The following KHDRBS2 variants were observed in gnomAD, a reference collection of about 807,000 sequenced individuals.
The protein encoded by KHDRBS2 is KH RNA binding domain containing, signal transduction associated 2.
A neutral mutation model predicts 44.3 loss-of-function variants in KHDRBS2; 26 were observed. The ratio of observed to expected loss-of-function variants is 0.59; its 90% CI spans 0.43 to 0.81. The LOEUF (loss-of-function observed/expected upper bound fraction) is 0.81, where lower values mean the gene tolerates loss of function less well. Among genes scored for constraint, KHDRBS2 ranks in the 40% least tolerant of loss-of-function variants. The probability of loss-of-function intolerance (pLI) is 0.00; values close to 1 mark genes in which losing one functional copy is unlikely to be tolerated. For missense variants in KHDRBS2, 476 were observed against 433.1 expected, an observed-to-expected ratio of 1.10 and a Z score of -0.88; for synonymous variants, 194 against 151.1, an observed-to-expected ratio of 1.28 and a Z score of -2.08.
the KHDRBS2 span, among the ~76,000 whole-genome samples, chr6:61,583,379 T>C: frequency 3.9e-5 from 6 of 151,948 alleles, no homozygotes; most frequent in South Asian, 1.2e-3. Flanking sequence ...TATTCTTTGA[T>C]GGACCTCTAG....
chr6:61,614,123 A>C, the KHDRBS2 span, among the ~76,000 whole-genome samples: 2 of 152,214 alleles, frequency 1.3e-5, no homozygotes, highest in Admixed American at 6.5e-5. Flanking sequence ...AGGTTCCCAA[A>C]TAGTGAGAAC....
chr6:62,106,359 G>T (rs1002374081), intron 2 of KHDRBS2, among the ~76,000 whole-genome samples: 35 of 152,080 alleles, frequency 2.3e-4, no homozygotes, highest in African/African-American at 7.0e-4. Context: ...TCGCTGATCG[G>T]TCTAATGTGG....
At chr6:62,109,766 A>C (rs1804566206) in intron 2 of KHDRBS2, among the ~76,000 whole-genome samples, 1 of 151,670 alleles carries the variant, frequency 6.6e-6, no homozygotes, top group Non-Finnish European at 1.5e-5. Context: ...GAAGGAATTA[A>C]AGGAAGATAA....
intron 2 of KHDRBS2, among the ~76,000 whole-genome samples, chr6:62,064,571 T>C (rs963671742): frequency 1.4e-5 from 2 of 148,082 alleles, no homozygotes; most frequent in Non-Finnish European, 3.0e-5. Context: ...GAAAACTGGC[T>C]AGCCATATGT....
At chr6:61,957,224 G>A (rs1767572234) in intron 4 of KHDRBS2, among the ~76,000 whole-genome samples, 1 of 152,032 alleles carries the variant, frequency 6.6e-6, no homozygotes, top group South Asian at 2.1e-4. Flanking sequence ...TGTCACCTCA[G>A]GACCCTGTGA....
chr6:62,218,139 G>A (rs1585254240), intron 1 of KHDRBS2, among the ~76,000 whole-genome samples: 1 of 151,810 alleles, frequency 6.6e-6, no homozygotes, highest in Middle Eastern at 3.4e-3. Context: ...GATGAAATGT[G>A]GAGTCAAGAG....
intron 2 of KHDRBS2, among the ~76,000 whole-genome samples, chr6:62,133,290 G>T (rs556400185): frequency 6.6e-6 from 1 of 152,086 alleles, no homozygotes; most frequent in African/African-American, 2.4e-5. Flanking sequence ...AATCATGGGG[G>T]CAGCTTTCCC....
intron 7 of KHDRBS2, among the ~76,000 whole-genome samples, 161 bp from the exon 8 acceptor site, chr6:61,697,414 G>C (rs1427599614): frequency 6.6e-6 from 1 of 151,924 alleles, no homozygotes; most frequent in African/African-American, 2.4e-5. Context: ...AAAAACACAG[G>C]TTATTGACAA....
intron 1 of KHDRBS2, among the ~76,000 whole-genome samples, chr6:62,228,604 G>C (rs1443518710): frequency 6.6e-6 from 1 of 151,938 alleles, no homozygotes; most frequent in Admixed American, 6.6e-5. Flanking sequence ...TGCTTCTTTA[G>C]TTCTTTTAAT....
chr6:61,667,543 G>A, the KHDRBS2 span, among the ~76,000 whole-genome samples: 6 of 151,222 alleles, frequency 4.0e-5, no homozygotes, highest in Non-Finnish European at 7.4e-5. Context: ...AAACCATTAA[G>A]CCTTTTCCTA....
the KHDRBS2 span, among the ~76,000 whole-genome samples, chr6:61,544,523 G>T: frequency 6.6e-6 from 1 of 152,108 alleles, no homozygotes; most frequent in Non-Finnish European, 1.5e-5. Flanking sequence ...TGTTTAAAAT[G>T]CTTATTCCTT....
At chr6:61,783,441 G>A (rs551391978) in intron 6 of KHDRBS2, among the ~76,000 whole-genome samples, 8 of 152,052 alleles carry the variant, frequency 5.3e-5, no homozygotes, top group Non-Finnish European at 1.0e-4. Flanking sequence ...TGAATATTTT[G>A]TTCCTAGCAC....
chr6:61,891,115 T>C (rs747382149), intron 6 of KHDRBS2, among the ~76,000 whole-genome samples: 9 of 152,194 alleles, frequency 5.9e-5, no homozygotes, highest in Non-Finnish European at 1.2e-4. Flanking sequence ...AGTTTACATT[T>C]AAATGAGCAA....
At chr6:61,768,221 G>T (rs1200579595) in intron 6 of KHDRBS2, among the ~76,000 whole-genome samples, 1 of 152,124 alleles carries the variant, frequency 6.6e-6, no homozygotes, top group Non-Finnish European at 1.5e-5. Flanking sequence ...TATGTCAAAA[G>T]CCAGACGTAT....
the KHDRBS2 span, among the ~76,000 whole-genome samples, chr6:61,584,071 C>T: frequency 0.59 from 89,574 of 151,444 alleles, 26,692 homozygotes; most frequent in African/African-American, 0.61. Context: ...TGTGTCATTG[C>T]TATATTTAGT....
chr6:61,756,159 G>T (rs1250797363), intron 6 of KHDRBS2, among the ~76,000 whole-genome samples: 1 of 152,122 alleles, frequency 6.6e-6, no homozygotes, highest in African/African-American at 2.4e-5. Flanking sequence ...AAGTCTAATA[G>T]ACTCACAGAT....
intron 2 of KHDRBS2, among the ~76,000 whole-genome samples, chr6:62,162,833 G>C (rs986609156): frequency 6.6e-6 from 1 of 151,978 alleles, no homozygotes; most frequent in Non-Finnish European, 1.5e-5. Context: ...AGGAGTGAAG[G>C]GGGTGTCCAT....
intron 2 of KHDRBS2, among the ~76,000 whole-genome samples, chr6:62,055,478 T>C (rs1402734884): frequency 6.6e-6 from 1 of 152,012 alleles, no homozygotes; most frequent in African/African-American, 2.4e-5. Flanking sequence ...TATACGCACC[T>C]GTGGGAGTGT....
intron 6 of KHDRBS2, among the ~76,000 whole-genome samples, chr6:61,838,110 G>T (rs1445459340): frequency 6.6e-6 from 1 of 151,926 alleles, no homozygotes; most frequent in South Asian, 2.1e-4. Flanking sequence ...CTTTGCTGTG[G>T]ATTTTTCCAT....
Sources: allele counts gnomAD v4.1 joint callset (sites outside exome capture counted in the v4.1 genomes callset), GRCh38; gene constraint gnomAD v4.1.1; transcripts MANE v1.5; gene names NCBI Gene and HGNC (gene_info 2026-07-23, HGNC 2026-07-21).